The following C12orf42 variants were observed in gnomAD, a reference collection of about 807,000 sequenced individuals.
C12orf42 encodes chromosome 12 open reading frame 42, also known as uncharacterized protein C12orf42.
C12orf42 carries 25 observed loss-of-function variants against 21.6 expected under a neutral mutation model. The ratio of observed to expected loss-of-function variants is 1.16; its 90% CI spans 0.84 to 1.62. C12orf42 has a LOEUF of 1.62. Ranked by LOEUF, C12orf42 falls within the 40% of genes most tolerant of loss-of-function variation. The pLI, the probability that C12orf42 is intolerant of heterozygous loss-of-function variation, is 0.00. For missense variants in C12orf42, 483 were observed against 459.3 expected (o/e 1.05, Z -0.47); for synonymous variants, 174 against 175.0 (o/e 0.99, Z 0.05).
chr12:103,158,034 C>G, the C12orf42 span, among the ~76,000 whole-genome samples: 1 of 151,986 alleles, frequency 6.6e-6, no homozygotes, highest in Non-Finnish European at 1.5e-5. Context: ...TATTATGTTT[C>G]AAAAGAGGAT....
intron 4 of C12orf42, among the ~76,000 whole-genome samples, chr12:103,288,118 G>A (rs185292060): frequency 1.3e-5 from 2 of 152,260 alleles, no homozygotes; most frequent in South Asian, 2.1e-4. Context: ...TTTCAAACTC[G>A]GGGAACTGAT....
chr12:103,448,776 TA>T (rs921126393), intron 2 of C12orf42, among the ~76,000 whole-genome samples: 25 of 148,374 alleles, frequency 1.7e-4, no homozygotes, highest in African/African-American at 3.9e-4. Context: ...ATGAAAAAAT[TA>T]AAAAAAAAAT....
the C12orf42 span, among the ~76,000 whole-genome samples, chr12:103,129,211 C>A: frequency 6.3e-3 from 958 of 152,286 alleles, 5 homozygotes; most frequent in African/African-American, 0.022. Flanking sequence ...GAGAGAGAAA[C>A]TGCTGAAGCA....
At chr12:103,548,134 G>T in the C12orf42 span, among the ~76,000 whole-genome samples, 1 of 152,220 alleles carries the variant, frequency 6.6e-6, no homozygotes, top group Admixed American at 6.5e-5. Flanking sequence ...GTCACACCAG[G>T]TAAGTGAGGA....
At chr12:103,507,297 G>A in the C12orf42 span, among the ~76,000 whole-genome samples, 8 of 86,804 alleles carry the variant, frequency 9.2e-5, no homozygotes, top group African/African-American at 1.0e-4. Context: ...TTTTAACTGC[G>A]TTATGCATTT....
chr12:103,107,749 G>A, the C12orf42 span, among the ~76,000 whole-genome samples: 1,240 of 150,710 alleles, frequency 8.2e-3, 17 homozygotes, highest in African/African-American at 0.028. Flanking sequence ...ATAATGAAGG[G>A]AATATATTAA....
chr12:103,332,491 T>TA (rs2041327068), intron 4 of C12orf42, among the ~76,000 whole-genome samples: 1 of 152,224 alleles, frequency 6.6e-6, no homozygotes, highest in Middle Eastern at 3.2e-3. Flanking sequence ...AAACCAGCTG[T>TA]AATAGCCACC....
At chr12:103,164,710 C>T in the C12orf42 span, 21 of 455,312 alleles carry the variant, frequency 4.6e-5, no homozygotes, top group Admixed American at 4.7e-5. Flanking sequence ...TCTTGGAGAG[C>T]GGAAACCATG....
the C12orf42 span, among the ~76,000 whole-genome samples, chr12:103,118,680 C>T: frequency 6.8e-6 from 1 of 147,910 alleles, no homozygotes; most frequent in Non-Finnish European, 1.5e-5. Flanking sequence ...CGCCTGTAGT[C>T]CCAGCTACTC....
the C12orf42 span, among the ~76,000 whole-genome samples, chr12:103,072,738 G>A: frequency 2.8e-4 from 42 of 152,096 alleles, no homozygotes; most frequent in Non-Finnish European, 4.9e-4. Context: ...GTGTATAAGC[G>A]TATCTTTTTC....
the C12orf42 span, among the ~76,000 whole-genome samples, chr12:103,189,498 A>G: frequency 3.9e-5 from 6 of 152,228 alleles, no homozygotes; most frequent in African/African-American, 1.4e-4. Context: ...TCCAAATGGG[A>G]CACAAAAACA....
chr12:103,517,723 T>C, the C12orf42 span, among the ~76,000 whole-genome samples: 1 of 152,130 alleles, frequency 6.6e-6, no homozygotes, highest in African/African-American at 2.4e-5. Context: ...CAAACTGGAT[T>C]GTATGTTGCT....
the C12orf42 span, among the ~76,000 whole-genome samples, chr12:103,062,835 CTTCTA>C: frequency 1.3e-5 from 2 of 152,006 alleles, no homozygotes; most frequent in Non-Finnish European, 2.9e-5. Flanking sequence ...ACAAATATCA[CTTCTA>C]TTCCATTCTA....
intron 5 of C12orf42, among the ~76,000 whole-genome samples, chr12:103,304,340 G>A (rs1468160684): frequency 6.6e-6 from 1 of 152,166 alleles, no homozygotes; most frequent in Non-Finnish European, 1.5e-5. Context: ...AAAGTAGGGA[G>A]GAGAAGCAGA....
the C12orf42 span, among the ~76,000 whole-genome samples, chr12:103,228,524 T>C: frequency 6.6e-6 from 1 of 152,108 alleles, no homozygotes; most frequent in Non-Finnish European, 1.5e-5. Context: ...ACAGGGGATG[T>C]GATGGCTTGG....
At chr12:103,132,932 A>C in the C12orf42 span, among the ~76,000 whole-genome samples, 1 of 152,090 alleles carries the variant, frequency 6.6e-6, no homozygotes, top group Non-Finnish European at 1.5e-5. Flanking sequence ...CTACCTAAGC[A>C]TTTAGCCTTG....
the C12orf42 span, among the ~76,000 whole-genome samples, chr12:103,507,239 ATT>A: frequency 3.1e-3 from 183 of 58,668 alleles, 22 homozygotes; most frequent in African/African-American, 0.016. Flanking sequence ...ATATATATAT[ATT>A]ATATATAATA....
At chr12:103,522,732 A>G in the C12orf42 span, among the ~76,000 whole-genome samples, 3 of 152,198 alleles carry the variant, frequency 2.0e-5, no homozygotes, top group African/African-American at 7.2e-5. Flanking sequence ...CCAGCTAATA[A>G]CACACCCTTG....
At chr12:103,330,542 G>C (rs1386348314) in intron 4 of C12orf42, among the ~76,000 whole-genome samples, 1 of 152,140 alleles carries the variant, frequency 6.6e-6, no homozygotes, top group Non-Finnish European at 1.5e-5. Context: ...GCAGTATATG[G>C]GACTGAATTT....
Sources: gnomAD v4.1 joint callset for allele counts (sites outside exome capture counted in the v4.1 genomes callset) on GRCh38, gnomAD v4.1.1 for gene constraint, MANE v1.5 for transcripts, NCBI Gene and HGNC (gene_info 2026-07-23, HGNC 2026-07-21) for gene names.